Variants in GRM4 observed in about 807,000 individuals in gnomAD.
GRM4 encodes metabotropic glutamate receptor 4.
In GRM4, 28 loss-of-function variants were observed where a neutral mutation model predicts 81.7. The observed-to-expected ratio is 0.34, with a 90% CI of 0.25 to 0.47. The LOEUF (loss-of-function observed/expected upper bound fraction) is 0.47. Among genes scored for constraint, GRM4 ranks in the 20% least tolerant of loss-of-function variants. The pLI is 1.00. For missense variants in GRM4, 948 were observed against 1,290.0 expected, an observed-to-expected ratio of 0.73 and a Z score of 4.06; for synonymous variants, 488 against 528.8, an observed-to-expected ratio of 0.92 and a Z score of 1.06.
chr6:34,033,582 G>A (rs1266289343), intron 9 of GRM4, among the ~76,000 whole-genome samples: 4 of 152,150 alleles, frequency 2.6e-5, no homozygotes, highest in Non-Finnish European at 5.9e-5. Flanking sequence ...CACATGACGA[G>A]CACCCCATCC....
chr6:34,021,868 A>G lies in GRM4; in HGVS notation c.*953T>C, dbSNP rs1763884243. 1 of 152,772 alleles carries G rather than the reference A, an allele frequency of 6.5e-6. No individual in the cohort carries two copies. The highest frequency in any genetic ancestry group is 2.4e-5 in the African/African-American group (1 of 41,424). The allele number at this position is 152,772 out of a possible 1,614,324, so 9.5% of individuals were successfully genotyped here. On this transcript the variant is annotated 3_prime_UTR_variant, in exon 11 of 11. Coordinates refer to ENST00000538487, the MANE Select transcript of GRM4 (RefSeq NM_000841.4). The surrounding 1 kb of genome is among the most constrained non-coding windows in gnomAD (Gnocchi z 5.3). ...AGCCCGGGTGCAAAACCATGTGTTT[A>G]TTTTTATTAGAAATGTTCTTGGTAT...
chr6:34,061,826 C>T, intron 4 of GRM4, 67 bp downstream of exon 4: 2 of 1,534,060 alleles, frequency 1.3e-6, no homozygotes, highest in Admixed American at 1.7e-5. Flanking sequence ...TCCAGCAGGA[C>T]AGGACCCGTG....
At chr6:34,101,944 G>T (rs1768861743) in intron 2 of GRM4, 2 of 1,398,208 alleles carry the variant, frequency 1.4e-6, no homozygotes, top group Admixed American at 2.0e-5. Context: ...GAGGCCAGGG[G>T]TATGGCCAGG....
chr6:34,054,756 C>T (rs1192083138), intron 6 of GRM4: 1 of 152,324 alleles, frequency 6.6e-6, no homozygotes, highest in Non-Finnish European at 1.5e-5. Context: ...TCTTTCCACC[C>T]CATCCCCACC....
intron 1 of GRM4, among the ~76,000 whole-genome samples, chr6:34,145,412 G>A (rs1207721565): frequency 1.3e-5 from 2 of 152,228 alleles, no homozygotes; most frequent in Admixed American, 1.3e-4. Flanking sequence ...CGAGCCGGAA[G>A]GAGCGGGAGA....
chr6:34,104,021 A>C (rs570763989), intron 2 of GRM4, among the ~76,000 whole-genome samples: 11 of 152,358 alleles, frequency 7.2e-5, no homozygotes, highest in South Asian at 2.1e-4. Flanking sequence ...GTAGGAAGCC[A>C]GAGCCCGATC....
At chr6:34,043,766 G>C (rs969771409) in intron 6 of GRM4, among the ~76,000 whole-genome samples, 14 of 152,166 alleles carry the variant, frequency 9.2e-5, no homozygotes, top group African/African-American at 3.4e-4. Flanking sequence ...ATGGATGCTA[G>C]TGTGGATATC....
chr6:34,033,162 T>C (rs1024177510), intron 9 of GRM4, among the ~76,000 whole-genome samples: 1 of 152,176 alleles, frequency 6.6e-6, no homozygotes, highest in Non-Finnish European at 1.5e-5. Context: ...CCGGGCGCCA[T>C]GGCTGCACCA....
Position 34,035,306 on chromosome 6 carries a change from A to G in GRM4, c.2442+362T>C, listed in dbSNP as rs1764630232. 8.3e-6 allele frequency among the ~76,000 whole-genome samples: 1 copy of G among 120,338 alleles called. No homozygotes were observed. The highest frequency in any genetic ancestry group is 4.0e-5 in the African/African-American group (1 of 25,134). 78.9% of individuals were successfully genotyped at this position (120,338 alleles called of 152,430 possible). A position where few individuals can be genotyped will look rare whatever the true frequency, so the allele number is the denominator to read the frequency against. On this transcript the variant is annotated intron_variant, in intron 9 of 10. Coordinates refer to ENST00000538487, the MANE Select transcript of GRM4 (RefSeq NM_000841.4). The surrounding 1 kb of genome is among the most constrained non-coding windows in gnomAD (Gnocchi z 6.6). The stretch of plus-strand genomic sequence containing the variant: ...CAGGGATGGAGAGACAGGGAGAAAG[A>G]GGAGGAGGGGGAAGGAGAACAGGGG...
chr6:34,126,922 T>C (rs369717521), intron 2 of GRM4, among the ~76,000 whole-genome samples: 19 of 152,358 alleles, frequency 1.2e-4, no homozygotes, highest in African/African-American at 4.3e-4. Flanking sequence ...ACAGCAGCCC[T>C]AGACAAGACA....
At chr6:34,057,542 C>A (rs1484090738) in intron 5 of GRM4, among the ~76,000 whole-genome samples, 1 of 152,178 alleles carries the variant, frequency 6.6e-6, no homozygotes, top group Non-Finnish European at 1.5e-5. Context: ...GTGCACCGTA[C>A]GATACTGAGC....
chr6:34,134,985 G>A (rs1284829698), intron 1 of GRM4, among the ~76,000 whole-genome samples: 3 of 152,200 alleles, frequency 2.0e-5, no homozygotes, highest in African/African-American at 7.2e-5. Flanking sequence ...CAGGGAGAAG[G>A]GATGGAAGCT....
chr6:34,129,312 C>A (rs1305193810), intron 2 of GRM4, among the ~76,000 whole-genome samples: 1 of 152,152 alleles, frequency 6.6e-6, no homozygotes, highest in Non-Finnish European at 1.5e-5. Context: ...ACTGCGCCAG[C>A]CACAGAAAGG....
At chr6:34,073,216 AAC>A (rs1206687018) in intron 3 of GRM4, among the ~76,000 whole-genome samples, 3 of 1,122 alleles carry the variant, frequency 2.7e-3, no homozygotes, top group East Asian at 0.045. Flanking sequence ...ACATCACACA[AAC>A]ACACATCACC....
At chr6:34,147,900 T>TTGAA (rs3041981), upstream of GRM4, among the ~76,000 whole-genome samples, 8,781 of 150,734 alleles carry the variant, frequency 0.058, 551 homozygotes, top group African/African-American at 0.16. Flanking sequence ...TATACTTTTG[T>TTGAA]TGAATGAATG....
chr6:34,117,192 G>A (rs1288338373), intron 2 of GRM4, among the ~76,000 whole-genome samples: 2 of 152,246 alleles, frequency 1.3e-5, no homozygotes, highest in African/African-American at 4.8e-5. Context: ...TGAAAAGGCA[G>A]ACAGAGCATT....
chr6:34,095,371 C>G (rs991989498), intron 2 of GRM4, among the ~76,000 whole-genome samples: 4 of 152,154 alleles, frequency 2.6e-5, no homozygotes, highest in Non-Finnish European at 4.4e-5. Context: ...CCTAGGGAGA[C>G]AGTTTCAAGC....
chr6:34,036,175 A>G lies in GRM4; in HGVS notation c.1935T>C (p.Ala645=), dbSNP rs1260298855. 2 of 1,614,218 alleles carry G rather than the reference A, an allele frequency of 1.2e-6. No individual in the cohort carries two copies. The highest frequency in any genetic ancestry group is 1.3e-5 in the African/African-American group (1 of 75,074). The change falls in exon 9 of 11, where the codon GCT becomes GCC. Residue 645 remains alanine (A), a synonymous_variant. Transcript: ENST00000538487. This position sits in a 1 kb window ranked among gnomAD's most constrained non-coding sequence, Gnocchi z 9.0. The stretch of plus-strand genomic sequence containing the variant: ...GCGAGCAGGTGCCAAGGTCGGGCTC[A>G]GCGATCATGAGGAAGGTGGTGGCAT... ...LCYATTFLMI[A]EPDLGTCSLR... is the part of the protein sequence containing the mutation.
At chr6:34,043,717 G>A (rs561103869) in intron 6 of GRM4, among the ~76,000 whole-genome samples, 16 of 152,218 alleles carry the variant, frequency 1.1e-4, no homozygotes, top group East Asian at 1.9e-4. Flanking sequence ...ACTTGGGCTC[G>A]GGGCCAAGTG....
Sources: allele counts gnomAD v4.1 joint callset (sites outside exome capture counted in the v4.1 genomes callset), GRCh38; gene constraint gnomAD v4.1.1; non-coding constraint Gnocchi (gnomAD v3.1); transcripts MANE v1.5; gene names NCBI Gene and HGNC (gene_info 2026-07-23, HGNC 2026-07-21).